THEMIS: variants seen among roughly 807,000 people sequenced by gnomAD.
THEMIS encodes protein THEMIS.
In THEMIS, 37 loss-of-function variants were observed where a neutral mutation model predicts 52.6. The ratio of observed to expected loss-of-function variants is 0.70; its 90% CI spans 0.54 to 0.93. THEMIS has a LOEUF of 0.93. THEMIS is among the 40% of genes least tolerant of loss of function. THEMIS has a pLI of 0.00. For missense variants in THEMIS, 808 were observed against 763.1 expected (o/e 1.06, Z -0.69); for synonymous variants, 292 against 272.7 (o/e 1.07, Z -0.70).
intron 2 of THEMIS, among the ~76,000 whole-genome samples, chr6:127,849,463 C>G (rs914975199): frequency 6.6e-6 from 1 of 151,746 alleles, no homozygotes; most frequent in Non-Finnish European, 1.5e-5. Flanking sequence ...CATCAAGCTA[C>G]CAATGACTTT....
At chr6:127,908,774 G>T (rs550887429) in intron 1 of THEMIS, among the ~76,000 whole-genome samples, 141 of 152,074 alleles carry the variant, frequency 9.3e-4, no homozygotes, top group Non-Finnish European at 1.7e-3. Flanking sequence ...TGTAGAAAGG[G>T]TATGCCCACT....
intron 4 of THEMIS, among the ~76,000 whole-genome samples, chr6:127,749,549 G>A (rs950077308): frequency 6.6e-6 from 1 of 151,882 alleles, no homozygotes; most frequent in African/African-American, 2.4e-5. Flanking sequence ...TGCCTTCATA[G>A]GATGTGGCAT....
At chr6:127,811,997 T>C (rs899798598) in intron 4 of THEMIS, among the ~76,000 whole-genome samples, 9 of 152,230 alleles carry the variant, frequency 5.9e-5, no homozygotes, top group African/African-American at 2.2e-4. Flanking sequence ...CTAAGGCTGC[T>C]ATTATTTCTA....
At chr6:127,740,523 G>C (rs1354948500) in intron 4 of THEMIS, among the ~76,000 whole-genome samples, 1 of 152,190 alleles carries the variant, frequency 6.6e-6, no homozygotes, top group Non-Finnish European at 1.5e-5. Context: ...CCTGAAAGTG[G>C]TTCTTAACTG....
chr6:127,838,909 A>T (rs1050144834), intron 2 of THEMIS, among the ~76,000 whole-genome samples: 1 of 152,140 alleles, frequency 6.6e-6, no homozygotes, highest in Non-Finnish European at 1.5e-5. Context: ...AACTAGTACC[A>T]CTATTGTAAA....
intron 4 of THEMIS, among the ~76,000 whole-genome samples, chr6:127,787,871 A>T (rs1357873801): frequency 1.0e-5 from 1 of 96,612 alleles, no homozygotes; most frequent in Non-Finnish European, 2.2e-5. Context: ...AGATAGATAG[A>T]TAGATAGATA....
intron 4 of THEMIS, among the ~76,000 whole-genome samples, chr6:127,805,753 T>C (rs1414589722): frequency 6.6e-6 from 1 of 152,096 alleles, no homozygotes; most frequent in Non-Finnish European, 1.5e-5. Context: ...AAAGTAATGG[T>C]TAACTTGCAA....
chr6:127,794,317 G>A (rs563654146), intron 4 of THEMIS, among the ~76,000 whole-genome samples: 1 of 152,234 alleles, frequency 6.6e-6, no homozygotes, highest in East Asian at 1.9e-4. Context: ...TAAGATGTAA[G>A]TCAGTTTATG....
chr6:127,906,954 A>C (rs802711), intron 1 of THEMIS, among the ~76,000 whole-genome samples: 42,198 of 127,804 alleles, frequency 0.33, 6,530 homozygotes, highest in Non-Finnish European at 0.38. Context: ...GTTAAAAAAC[A>C]AAAAAAAAAA....
chr6:127,734,572 G>T (rs938722621), intron 4 of THEMIS, among the ~76,000 whole-genome samples: 1 of 151,824 alleles, frequency 6.6e-6, no homozygotes, highest in Non-Finnish European at 1.5e-5. Flanking sequence ...AAGACGTGAG[G>T]GTGCATAAAA....
intron 4 of THEMIS, among the ~76,000 whole-genome samples, chr6:127,796,838 C>T (rs911759384): frequency 6.6e-6 from 1 of 152,160 alleles, no homozygotes; most frequent in African/African-American, 2.4e-5. Context: ...ATAGTGTCTA[C>T]ACAAGAGCCA....
At chr6:127,893,946 A>G (rs1207307493) in intron 1 of THEMIS, among the ~76,000 whole-genome samples, 2 of 152,108 alleles carry the variant, frequency 1.3e-5, no homozygotes, top group Non-Finnish European at 2.9e-5. Flanking sequence ...AACATTTTCT[A>G]AAAAAATAGA....
At chr6:127,851,845 C>A (rs1265997587) in intron 2 of THEMIS, among the ~76,000 whole-genome samples, 2 of 151,664 alleles carry the variant, frequency 1.3e-5, no homozygotes, top group Non-Finnish European at 3.0e-5. Context: ...TTGGTATTTA[C>A]CCAAAGGAGT....
At chr6:127,830,404 A>G (rs1301881754) in intron 2 of THEMIS, among the ~76,000 whole-genome samples, 1 of 152,166 alleles carries the variant, frequency 6.6e-6, no homozygotes. Context: ...CACATTCATG[A>G]TTAAAAGCTA....
chr6:127,816,602 T>G (rs562032156), intron 3 of THEMIS, among the ~76,000 whole-genome samples: 14 of 152,340 alleles, frequency 9.2e-5, no homozygotes, highest in Non-Finnish European at 1.3e-4. Flanking sequence ...ATCAGGACTA[T>G]CCTGATCTAA....
At chr6:127,817,757 C>A (rs1778186215) in intron 3 of THEMIS, among the ~76,000 whole-genome samples, 1 of 152,002 alleles carries the variant, frequency 6.6e-6, no homozygotes. Context: ...GGAGGCAGCA[C>A]CTGGAAGAAT....
At chr6:127,730,448 C>CGAAA (rs3057171) in intron 4 of THEMIS, among the ~76,000 whole-genome samples, 2 of 129,178 alleles carry the variant, frequency 1.5e-5, no homozygotes, top group Non-Finnish European at 3.4e-5. Flanking sequence ...AGAGAACAAA[C>CGAAA]GAAAGAAAGA....
rs1212222047 is a variant in THEMIS, at chr6:127,813,353, T to C, written c.1288A>G (p.Met430Val). The C allele has an allele frequency of 1.2e-6, 2 of 1,614,104 alleles. No individual in the cohort carries two copies. The highest frequency in any genetic ancestry group is 1.1e-5 in the South Asian group (1 of 91,074). ...ATCACCTCTACAAAACCTCCTTCCA[T>C]GTACAAAGGGAGCAGCGCAGCCTCA... ...SYEAALLPLYMEGGFVEVIHD... is the reference protein window; with the variant it reads ...SYEAALLPLYVEGGFVEVIHD... Residue 430 changes from methionine (M) to valine (V), a missense_variant, in exon 4 of 6, where the codon ATG becomes GTG. Transcript: ENST00000368248.
In THEMIS at chr6:127,763,845, T is replaced by C. The variant is rs917736046; in HGVS notation, c.1759-44022A>G. ...TTTGTAAATATCATGCTAAAGTATATCACTCAAAGAAGTTTTTCCCTGTTT... is the reference window on the plus strand; with the variant it reads ...TTTGTAAATATCATGCTAAAGTATACCACTCAAAGAAGTTTTTCCCTGTTT... On this transcript the variant is annotated intron_variant, in intron 4 of 5. Coordinates refer to ENST00000368248, the MANE Select transcript of THEMIS (RefSeq NM_001010923.3). 2.6e-5 allele frequency among the ~76,000 whole-genome samples: 4 copies of C among 151,942 alleles called. No homozygotes were observed. The South Asian group carries it at 6.2e-4, about 24-fold the overall frequency.
Sources: allele counts gnomAD v4.1 joint callset (sites outside exome capture counted in the v4.1 genomes callset), GRCh38; gene constraint gnomAD v4.1.1; transcripts MANE v1.5; gene names NCBI Gene and HGNC (gene_info 2026-07-23, HGNC 2026-07-21).